SGCD: variants seen among roughly 807,000 people sequenced by gnomAD.
The protein encoded by SGCD is delta-sarcoglycan.
SGCD carries 18 observed loss-of-function variants against 36.6 expected under a neutral mutation model. The observed-to-expected ratio is 0.49, with a 90% confidence interval of 0.34 to 0.73. The LOEUF is 0.73. SGCD is among the 30% of genes least tolerant of loss of function. The pLI is 0.01. For missense variants in SGCD, 387 were observed against 346.7 expected, an observed-to-expected ratio of 1.12 and a Z score of -0.92; for synonymous variants, 133 against 130.6, an observed-to-expected ratio of 1.02 and a Z score of -0.12.
At chr5:156,619,323 C>T (rs1012517697) in intron 6 of SGCD, among the ~76,000 whole-genome samples, 1 of 151,830 alleles carries the variant, frequency 6.6e-6, no homozygotes, top group Non-Finnish European at 1.5e-5. Flanking sequence ...CCGAGCCGGC[C>T]GAAGAGAGCC....
At chr5:156,298,211 T>C (rs954554359) in intron 3 of SGCD, among the ~76,000 whole-genome samples, 4 of 152,226 alleles carry the variant, frequency 2.6e-5, no homozygotes, top group African/African-American at 7.2e-5. Flanking sequence ...CTTCTAAGGC[T>C]TGGATATTGT....
At chr5:156,258,827 T>G (rs932754790) in intron 3 of SGCD, among the ~76,000 whole-genome samples, 10 of 152,158 alleles carry the variant, frequency 6.6e-5, no homozygotes, top group African/African-American at 2.4e-4. Flanking sequence ...TTTTGCTCAG[T>G]TTTAATTTCT....
chr5:156,087,907 C>G (rs924841993), intron 1 of SGCD, among the ~76,000 whole-genome samples: 3 of 152,128 alleles, frequency 2.0e-5, no homozygotes, highest in Non-Finnish European at 4.4e-5. Context: ...TAGTCTTTGT[C>G]CAGTGTCCCT....
At chr5:156,378,144 A>C (rs980264055) in intron 3 of SGCD, among the ~76,000 whole-genome samples, 5 of 152,224 alleles carry the variant, frequency 3.3e-5, no homozygotes, top group African/African-American at 1.2e-4. Context: ...TGGTATAGAC[A>C]TACAATGACA....
In SGCD at chr5:156,742,122, C is replaced by T. The variant is rs544920502; in HGVS notation, c.576-15459C>T. ...CGATCTCCTGACCTCGTGATCCACC[C>T]GCCTCGGCCTCCCAAAGTGCTGGGA... is the stretch of plus-strand genomic sequence containing the variant. On this transcript the variant is annotated intron_variant, in intron 7 of 8. Coordinates refer to ENST00000337851, the MANE Select transcript of SGCD (RefSeq NM_000337.6). 9.2e-5 allele frequency among the ~76,000 whole-genome samples: 14 copies of T among 152,234 alleles called. No homozygotes were observed. In the South Asian group the frequency reaches 1.7e-3, roughly 18 times the overall value.
intron 1 of SGCD, among the ~76,000 whole-genome samples, chr5:156,114,976 G>A (rs1451171602): frequency 1.3e-5 from 2 of 151,886 alleles, no homozygotes; most frequent in Non-Finnish European, 2.9e-5. Flanking sequence ...TTATAATATT[G>A]TATTATAAAA....
At chr5:155,782,688 A>G in the SGCD span, among the ~76,000 whole-genome samples, 1 of 152,160 alleles carries the variant, frequency 6.6e-6, no homozygotes, top group Non-Finnish European at 1.5e-5. Flanking sequence ...GGGGCAAATG[A>G]GCATCACTGC....
At chr5:156,101,219 GAC>G (rs1326638647) in intron 1 of SGCD, among the ~76,000 whole-genome samples, 1 of 152,174 alleles carries the variant, frequency 6.6e-6, no homozygotes, top group African/African-American at 2.4e-5. Context: ...GTTTGACTGT[GAC>G]AGAGGAAAAG....
chr5:155,996,769 ACT>A (rs1163756017), intron 1 of SGCD, among the ~76,000 whole-genome samples: 1 of 147,330 alleles, frequency 6.8e-6, no homozygotes, highest in Admixed American at 6.8e-5. Flanking sequence ...ACAGAGTAAG[ACT>A]CTGTTTCAAA....
intron 3 of SGCD, among the ~76,000 whole-genome samples, chr5:156,229,261 C>CAT (rs1263970141): frequency 9.3e-4 from 13 of 14,030 alleles, no homozygotes; most frequent in South Asian, 5.9e-3. Flanking sequence ...TACATACATA[C>CAT]ATATATATAT....
intron 3 of SGCD, among the ~76,000 whole-genome samples, chr5:156,173,700 A>G (rs1763394942): frequency 6.6e-6 from 1 of 152,116 alleles, no homozygotes; most frequent in South Asian, 2.1e-4. Flanking sequence ...CCTTAGGGAG[A>G]TCTTAAAATT....
intron 1 of SGCD, among the ~76,000 whole-genome samples, chr5:155,996,496 G>A (rs1440411499): frequency 6.6e-6 from 1 of 152,084 alleles, no homozygotes; most frequent in Non-Finnish European, 1.5e-5. Flanking sequence ...AAAACCAAAG[G>A]GCCGGGCGCG....
intron 6 of SGCD, among the ~76,000 whole-genome samples, chr5:156,597,504 A>G (rs1201257428): frequency 6.6e-6 from 1 of 152,220 alleles, no homozygotes; most frequent in African/African-American, 2.4e-5. Flanking sequence ...AGACTTATTC[A>G]CGATCATAAG....
chr5:156,737,666 G>T (rs935431900), intron 7 of SGCD, among the ~76,000 whole-genome samples: 2 of 152,100 alleles, frequency 1.3e-5, no homozygotes, highest in Non-Finnish European at 2.9e-5. Flanking sequence ...TAGCATGGGG[G>T]ATGAAGAGAG....
intron 4 of SGCD, among the ~76,000 whole-genome samples, chr5:156,527,932 G>A (rs375073189): frequency 8.5e-5 from 13 of 152,158 alleles, no homozygotes; most frequent in African/African-American, 2.4e-4. Flanking sequence ...CCATTTTCTC[G>A]TGAAGACCTT....
chr5:156,641,075 C>T (rs986727249), intron 6 of SGCD, among the ~76,000 whole-genome samples: 3 of 152,152 alleles, frequency 2.0e-5, no homozygotes, highest in African/African-American at 4.8e-5. Context: ...TTAAACATAA[C>T]GCAACTCATT....
chr5:156,204,352 T>G (rs1193664339), intron 3 of SGCD, among the ~76,000 whole-genome samples: 3 of 152,060 alleles, frequency 2.0e-5, no homozygotes, highest in Admixed American at 1.3e-4. Context: ...ATTCACATCA[T>G]TTCTTGAGGG....
chr5:156,297,390 A>G (rs1427180295), intron 3 of SGCD, among the ~76,000 whole-genome samples: 2 of 152,136 alleles, frequency 1.3e-5, no homozygotes, highest in Non-Finnish European at 2.9e-5. Flanking sequence ...AACCAACCCA[A>G]ATGTCCATCT....
intron 3 of SGCD, among the ~76,000 whole-genome samples, chr5:156,406,711 A>G (rs992819866): frequency 3.3e-5 from 5 of 150,240 alleles, no homozygotes; most frequent in Non-Finnish European, 1.5e-5. Context: ...GTTTTTACAG[A>G]GGATGAAGCT....
Sources: gnomAD v4.1 joint callset for allele counts (sites outside exome capture counted in the v4.1 genomes callset) on GRCh38, gnomAD v4.1.1 for gene constraint, MANE v1.5 for transcripts, NCBI Gene and HGNC (gene_info 2026-07-23, HGNC 2026-07-21) for gene names.